FOXN3: variants seen among roughly 807,000 people sequenced by gnomAD.
FOXN3 encodes forkhead box protein N3.
A neutral mutation model predicts 38.4 loss-of-function variants in FOXN3; 7 were observed. That is an observed-to-expected ratio of 0.18 (90% CI 0.10 to 0.34). The LOEUF (loss-of-function observed/expected upper bound fraction) is 0.34, where lower values mean the gene tolerates loss of function less well. FOXN3 is among the 10% of genes least tolerant of loss of function. The pLI, the probability that FOXN3 is intolerant of heterozygous loss-of-function variation, is 1.00. For synonymous variants in FOXN3, 230 were observed against 242.2 expected, an observed-to-expected ratio of 0.95 and a Z score of 0.47; for missense variants, 456 against 613.4, an observed-to-expected ratio of 0.74 and a Z score of 2.71.
At chr14:89,197,055 T>C (rs907035555) in intron 4 of FOXN3, among the ~76,000 whole-genome samples, 10 of 152,240 alleles carry the variant, frequency 6.6e-5, no homozygotes, top group African/African-American at 2.4e-4. Flanking sequence ...ACAGGGCTAA[T>C]GTGTTTTGTT....
chr14:89,581,124 G>C (rs1241278580), intron 1 of FOXN3, among the ~76,000 whole-genome samples: 2 of 152,082 alleles, frequency 1.3e-5, no homozygotes, highest in East Asian at 1.9e-4. Flanking sequence ...CGAGGCCACA[G>C]TGAGCCATTA....
At chr14:89,171,475 C>A (rs1566920451) in intron 5 of FOXN3, among the ~76,000 whole-genome samples, 1 of 152,002 alleles carries the variant, frequency 6.6e-6, no homozygotes, top group Non-Finnish European at 1.5e-5. Flanking sequence ...ACTAGAGAAA[C>A]CTGGGTTATA....
At chr14:89,354,290 C>T (rs1889104901) in intron 2 of FOXN3, among the ~76,000 whole-genome samples, 1 of 151,038 alleles carries the variant, frequency 6.6e-6, no homozygotes, top group South Asian at 2.1e-4. Context: ...CGCAGTGGCA[C>T]AATCTTGGCT....
chr14:89,378,539 T>C (rs999129286), intron 2 of FOXN3, among the ~76,000 whole-genome samples: 4 of 152,118 alleles, frequency 2.6e-5, no homozygotes, highest in African/African-American at 9.7e-5. Context: ...CATTTCTCCT[T>C]GACATAAAAG....
At chr14:89,276,679 C>T (rs1886310420) in intron 4 of FOXN3, among the ~76,000 whole-genome samples, 1 of 152,260 alleles carries the variant, frequency 6.6e-6, no homozygotes, top group Non-Finnish European at 1.5e-5. Flanking sequence ...CAGGACTGGA[C>T]ACACAGAGAT....
At chr14:89,496,559 T>C (rs1893687957) in intron 1 of FOXN3, among the ~76,000 whole-genome samples, 1 of 152,110 alleles carries the variant, frequency 6.6e-6, no homozygotes. Flanking sequence ...CAGTAATTAT[T>C]ATATTTAGCC....
At chr14:89,451,047 CTG>C (rs1892604631) in intron 1 of FOXN3, among the ~76,000 whole-genome samples, 1 of 152,316 alleles carries the variant, frequency 6.6e-6, no homozygotes, top group Admixed American at 6.5e-5. Context: ...CATCTGCAAT[CTG>C]TGGGGCAGAC....
chr14:89,505,338 T>C (rs1324163708), intron 1 of FOXN3, among the ~76,000 whole-genome samples: 2 of 138,340 alleles, frequency 1.4e-5, no homozygotes, highest in Non-Finnish European at 3.1e-5. Flanking sequence ...GAGGCTGGAC[T>C]GTGCTGCTGC....
rs190964309 is a variant in FOXN3 at position 89,358,372 on chromosome 14, T to C, written c.544-7564A>G. The stretch of plus-strand genomic sequence containing the variant: ...GTTAAGGGATTTGGGCTGGGTCCTG[T>C]GGGATGGGTGGGGTGTGGATGATGG... On this transcript the variant is annotated intron_variant, in intron 2 of 5. Transcript: ENST00000557258. Among the ~76,000 whole-genome samples the C allele has an allele frequency of 6.7e-3, 1,019 of 152,220 alleles. 11 individuals carry two copies. The highest frequency in any genetic ancestry group is 8.5e-3 in the Non-Finnish European group (581 of 68,010).
chr14:89,333,984 A>C (rs1308220414), intron 3 of FOXN3, among the ~76,000 whole-genome samples: 272 of 21,482 alleles, frequency 0.013, 7 homozygotes, highest in African/African-American at 0.026. Context: ...ATATATATAT[A>C]TATATATATA....
chr14:89,183,459 G>A (rs1327061585), intron 4 of FOXN3, among the ~76,000 whole-genome samples: 5 of 152,084 alleles, frequency 3.3e-5, no homozygotes, highest in African/African-American at 1.2e-4. Flanking sequence ...AAGAGGGAGG[G>A]GGAGATAGAG....
chr14:89,454,201 T>C (rs1331474789), intron 1 of FOXN3, among the ~76,000 whole-genome samples: 1 of 152,054 alleles, frequency 6.6e-6, no homozygotes, highest in Admixed American at 6.6e-5. Context: ...CTACTCAAAA[T>C]GCTGAGGTTT....
intron 1 of FOXN3, among the ~76,000 whole-genome samples, chr14:89,562,175 T>C (rs1213647877): frequency 1.3e-5 from 2 of 152,222 alleles, no homozygotes; most frequent in African/African-American, 4.8e-5. Flanking sequence ...TCGTACAAAG[T>C]ATTTTAAGCA....
At chr14:89,190,751 C>T (rs971667358) in intron 4 of FOXN3, among the ~76,000 whole-genome samples, 3 of 152,088 alleles carry the variant, frequency 2.0e-5, no homozygotes, top group Admixed American at 6.5e-5. Context: ...TCTATGCACC[C>T]CCACAGCTTT....
At chr14:89,258,209 GTGACCCTCAGCCTCCCACCTCC>G (rs1352605191) in intron 4 of FOXN3, among the ~76,000 whole-genome samples, 2 of 152,154 alleles carry the variant, frequency 1.3e-5, no homozygotes, top group African/African-American at 4.8e-5. Context: ...GCTGAGCCAA[GTGACCCTCAGCCTCCCACCTCC>G]CTTAGTTCAC....
chr14:89,275,489 G>A (rs1457853604), intron 4 of FOXN3, among the ~76,000 whole-genome samples: 1 of 152,210 alleles, frequency 6.6e-6, no homozygotes, highest in East Asian at 1.9e-4. Context: ...AGGTCACAAA[G>A]TTTACCAAGT....
In FOXN3 at chr14:89,524,302, G is replaced by T. The variant is rs548504794; in HGVS notation, c.-15+94726C>A. On this transcript the variant is annotated intron_variant, in intron 1 of 6. Transcript: ENST00000345097. The stretch of plus-strand genomic sequence containing the variant: ...GGCAGGAGAATGGTGTGAAACCCGG[G>T]GGGCAGAGCCTGCAGTGAGCCGAGA... Among the ~76,000 whole-genome samples, 260 of 137,612 alleles carry T rather than the reference G, an allele frequency of 1.9e-3. 1 individual carries two copies. Among genetic ancestry groups the T allele is most frequent in the Non-Finnish European group, 3.2e-3 (206 of 64,938 alleles). 90.3% of individuals were successfully genotyped at this position (137,612 alleles called of 152,430 possible). A position where few individuals can be genotyped will look rare whatever the true frequency, so the allele number is the denominator to read the frequency against.
chr14:89,563,656 A>C (rs1163624226), intron 1 of FOXN3, among the ~76,000 whole-genome samples: 1 of 152,112 alleles, frequency 6.6e-6, no homozygotes, highest in Non-Finnish European at 1.5e-5. Flanking sequence ...CACTTGAGAG[A>C]GCAAGAGGAA....
intron 1 of FOXN3, among the ~76,000 whole-genome samples, chr14:89,440,073 C>T (rs758911539): frequency 4.6e-5 from 7 of 152,112 alleles, no homozygotes; most frequent in Non-Finnish European, 8.8e-5. Flanking sequence ...TTTCCTGTAA[C>T]GGTGCTATTA....
Sources: gnomAD v4.1 joint callset for allele counts (sites outside exome capture counted in the v4.1 genomes callset) on GRCh38, gnomAD v4.1.1 for gene constraint, MANE v1.5 for transcripts, NCBI Gene and HGNC (gene_info 2026-07-23, HGNC 2026-07-21) for gene names.